Variants in PDE8B observed in about 807,000 individuals in gnomAD.
PDE8B encodes the protein high affinity cAMP-specific and IBMX-insensitive 3',5'-cyclic phosphodiesterase 8B.
A neutral mutation model predicts 101.3 loss-of-function variants in PDE8B; 26 were observed. That is an observed-to-expected ratio of 0.26 (90% confidence interval 0.19 to 0.36). The LOEUF (loss-of-function observed/expected upper bound fraction) is 0.36. Among genes scored for constraint, PDE8B ranks in the 10% least tolerant of loss-of-function variants. PDE8B has a pLI of 1.00. For synonymous variants in PDE8B, 424 were observed against 429.3 expected, an observed-to-expected ratio of 0.99 and a Z score of 0.15; for missense variants, 810 against 1,163.1, an observed-to-expected ratio of 0.70 and a Z score of 4.42.
intron 1 of PDE8B, among the ~76,000 whole-genome samples, chr5:77,240,885 T>G (rs1305210433): frequency 6.6e-6 from 1 of 152,252 alleles, no homozygotes; most frequent in Non-Finnish European, 1.5e-5. Flanking sequence ...TGAATTAACC[T>G]TTTGAATAAT....
chr5:77,249,007 A>T (rs2149603252), intron 1 of PDE8B, among the ~76,000 whole-genome samples: 1 of 152,350 alleles, frequency 6.6e-6, no homozygotes, highest in East Asian at 1.9e-4. Flanking sequence ...AGCCTTTGGA[A>T]CTTTGAGAAG....
chr5:77,229,223 A>G (rs1370140113), intron 1 of PDE8B, among the ~76,000 whole-genome samples: 1 of 152,252 alleles, frequency 6.6e-6, no homozygotes, highest in Non-Finnish European at 1.5e-5. Flanking sequence ...CTCTGGTAGG[A>G]GAGAGAATCA....
At chr5:77,397,538 A>C (rs1257604631) in intron 10 of PDE8B, among the ~76,000 whole-genome samples, 1 of 151,974 alleles carries the variant, frequency 6.6e-6, no homozygotes, top group Admixed American at 6.6e-5. Context: ...CAGATGAAAC[A>C]AGGTGGAGAA....
intron 21 of PDE8B, 62 bp from the exon 22 acceptor site, chr5:77,426,383 C>A: frequency 9.3e-7 from 1 of 1,073,454 alleles, no homozygotes; most frequent in Non-Finnish European, 1.4e-6. Context: ...CACCCCCAGG[C>A]TTATAAATGC....
chr5:77,201,522 T>A, the PDE8B span, among the ~76,000 whole-genome samples: 1 of 152,190 alleles, frequency 6.6e-6, no homozygotes, highest in East Asian at 1.9e-4. Context: ...GTTTCTAGAC[T>A]CAAGATTCTG....
At chr5:77,118,406 C>T in the PDE8B span, 3 of 398,664 alleles carry the variant, frequency 7.5e-6, no homozygotes, top group South Asian at 1.3e-4. Flanking sequence ...TCAGCCTCAT[C>T]CTTCTGGGCC....
At chr5:77,302,068 G>T (rs1324313051) in intron 1 of PDE8B, among the ~76,000 whole-genome samples, 1 of 152,040 alleles carries the variant, frequency 6.6e-6, no homozygotes, top group Admixed American at 6.6e-5. Flanking sequence ...GACTGTAGAT[G>T]ACATGACTAT....
the PDE8B span, among the ~76,000 whole-genome samples, chr5:77,178,709 TG>T: frequency 6.6e-6 from 1 of 152,218 alleles, no homozygotes; most frequent in South Asian, 2.1e-4. Flanking sequence ...CTAGATCCTC[TG>T]TTTTAAGATT....
chr5:77,151,251 G>A, the PDE8B span: 1 of 152,356 alleles, frequency 6.6e-6, no homozygotes, highest in Non-Finnish European at 1.5e-5. Flanking sequence ...ACCCAGCAGA[G>A]GATTCTGGGA....
chr5:77,134,841 A>G, the PDE8B span, among the ~76,000 whole-genome samples: 1 of 152,222 alleles, frequency 6.6e-6, no homozygotes, highest in Non-Finnish European at 1.5e-5. Context: ...AGTTCCTCCC[A>G]TTAACTTCTC....
At chr5:77,188,907 T>C in the PDE8B span, among the ~76,000 whole-genome samples, 1 of 152,060 alleles carries the variant, frequency 6.6e-6, no homozygotes, top group African/African-American at 2.4e-5. Context: ...TAGCCCTCAG[T>C]GGGGGAAGGG....
chr5:77,139,668 T>TA, the PDE8B span: 3 of 152,264 alleles, frequency 2.0e-5, no homozygotes, highest in South Asian at 2.1e-4. Context: ...ACTTCCGTGT[T>TA]ACATTTTGAG....
the PDE8B span, among the ~76,000 whole-genome samples, chr5:77,157,425 A>G: frequency 6.6e-6 from 1 of 152,170 alleles, no homozygotes. Flanking sequence ...AAGGAAATAC[A>G]TTGTTCAGGT....
chr5:77,383,982 T>A (rs13186178), intron 10 of PDE8B, among the ~76,000 whole-genome samples: 97,422 of 151,996 alleles, frequency 0.64, 32,195 homozygotes, highest in African/African-American at 0.81. Flanking sequence ...TTGGTTCCAT[T>A]TGAAATTTAA....
At chr5:77,406,351 T>G (rs888850822) in intron 12 of PDE8B, among the ~76,000 whole-genome samples, 1 of 152,124 alleles carries the variant, frequency 6.6e-6, no homozygotes, top group Non-Finnish European at 1.5e-5. Context: ...AGAGACAAGA[T>G]GATAATTCAC....
At chr5:77,328,211 T>C (rs1347484727) in intron 3 of PDE8B, among the ~76,000 whole-genome samples, 3 of 152,192 alleles carry the variant, frequency 2.0e-5, no homozygotes, top group Admixed American at 2.0e-4. Context: ...GGGCCTTTAT[T>C]AAAAGTTTGT....
chr5:77,223,389 C>G (rs1334341247), intron 1 of PDE8B, among the ~76,000 whole-genome samples: 1 of 106,070 alleles, frequency 9.4e-6, no homozygotes, highest in Non-Finnish European at 1.8e-5. Flanking sequence ...CCCCCCTCCC[C>G]CCACCCATTC....
At chr5:77,222,289 C>T (rs1751280876) in intron 1 of PDE8B, among the ~76,000 whole-genome samples, 1 of 152,094 alleles carries the variant, frequency 6.6e-6, no homozygotes, top group Non-Finnish European at 1.5e-5. Context: ...TATTTTCTGC[C>T]TTATACTAAG....
intron 1 of PDE8B, among the ~76,000 whole-genome samples, chr5:77,278,582 G>C (rs1764300494): frequency 1.3e-5 from 2 of 152,012 alleles, no homozygotes; most frequent in Non-Finnish European, 2.9e-5. Flanking sequence ...CCATTCTCCT[G>C]TCTCAGCCTC....
Sources: allele counts gnomAD v4.1 joint callset (sites outside exome capture counted in the v4.1 genomes callset), GRCh38; gene constraint gnomAD v4.1.1; transcripts MANE v1.5; gene names NCBI Gene and HGNC (gene_info 2026-07-23, HGNC 2026-07-21).